SEPSECS: variants seen among roughly 807,000 people sequenced by gnomAD.
SEPSECS encodes the protein O-phosphoseryl-tRNA(Sec) selenium transferase.
SEPSECS carries 42 observed loss-of-function variants against 52.1 expected under a neutral mutation model. The ratio of observed to expected loss-of-function variants is 0.81; its 90% CI spans 0.63 to 1.04. The LOEUF is 1.04. Among genes scored for constraint, SEPSECS ranks in the 50% least tolerant of loss-of-function variants. SEPSECS has a pLI of 0.00. For missense variants in SEPSECS, 590 were observed against 610.6 expected, an observed-to-expected ratio of 0.97 and a Z score of 0.36; for synonymous variants, 216 against 211.4, an observed-to-expected ratio of 1.02 and a Z score of -0.19.
rs1560318105 is a variant in SEPSECS at position 25,122,294 on chromosome 4, C to CACAT, written c.*1633_*1636dup. The CACAT allele has an allele frequency of 6.6e-6, 1 of 152,128 alleles. No individual in the cohort carries two copies. The highest frequency in any genetic ancestry group is 6.6e-5 in the Admixed American group (1 of 15,266). 9.4% of individuals were successfully genotyped at this position (152,128 alleles called of 1,614,324 possible). ...CCAGTGGCCATAGGCGTCTACCTTACACATGTCTGACCTCATGTTTACAAA... is the reference window on the plus strand; with the variant it reads ...CCAGTGGCCATAGGCGTCTACCTTACACATACATGTCTGACCTCATGTTTACAAA... On this transcript the variant is annotated 3_prime_UTR_variant, in exon 11 of 11. Coordinates refer to ENST00000382103, the MANE Select transcript of SEPSECS (RefSeq NM_016955.4).
chr4:25,128,615 T>C (rs1421992910), intron 8 of SEPSECS, among the ~76,000 whole-genome samples: 2 of 152,118 alleles, frequency 1.3e-5, no homozygotes, highest in East Asian at 1.9e-4. Flanking sequence ...AAATATGAAG[T>C]TGGCAACTAT....
At chr4:25,157,834 C>T (rs1401682204) in intron 2 of SEPSECS, among the ~76,000 whole-genome samples, 1 of 152,126 alleles carries the variant, frequency 6.6e-6, no homozygotes, top group East Asian at 1.9e-4. Context: ...CGTGAGCCAC[C>T]GTGCCCGGCC....
chr4:25,134,311 T>C (rs1728739580), intron 8 of SEPSECS, among the ~76,000 whole-genome samples: 1 of 122,518 alleles, frequency 8.2e-6, no homozygotes, highest in South Asian at 3.1e-4. Flanking sequence ...AGACCCCATA[T>C]CTTTAAAAAT....
intron 6 of SEPSECS, among the ~76,000 whole-genome samples, chr4:25,149,793 T>C (rs1712195416): frequency 6.6e-6 from 1 of 152,202 alleles, no homozygotes; most frequent in South Asian, 2.1e-4. Context: ...TGTACACCCT[T>C]CCTCTATGAC....
At chr4:25,127,751 G>C (rs762705410) in intron 8 of SEPSECS, among the ~76,000 whole-genome samples, 1 of 152,130 alleles carries the variant, frequency 6.6e-6, no homozygotes, top group Admixed American at 6.5e-5. Flanking sequence ...AGACTAGAGA[G>C]GTCTTTCAAA....
At chr4:25,144,947 T>C (rs1370375580) in intron 7 of SEPSECS, 57 bp downstream of exon 7, 17 of 1,605,044 alleles carry the variant, frequency 1.1e-5, no homozygotes, top group South Asian at 4.4e-5. Context: ...ATAGCCTATG[T>C]ACAAATGGAT....
chr4:25,159,308 G>C (rs1221526529), intron 1 of SEPSECS, among the ~76,000 whole-genome samples: 1 of 152,114 alleles, frequency 6.6e-6, no homozygotes, highest in East Asian at 1.9e-4. Flanking sequence ...TACAGATTTC[G>C]AGAAGTGATG....
intron 1 of SEPSECS, chr4:25,159,858 CTCGTGGT>C (rs1189525029): frequency 2.8e-6 from 3 of 1,087,016 alleles, no homozygotes; most frequent in Non-Finnish European, 3.4e-6. Flanking sequence ...CCGCGGAAAG[CTCGTGGT>C]TCGAGTTAGC....
At chr4:25,136,810 A>G (rs985006753) in intron 8 of SEPSECS, among the ~76,000 whole-genome samples, 9 of 152,338 alleles carry the variant, frequency 5.9e-5, no homozygotes, top group Middle Eastern at 3.4e-3. Context: ...CCCAACTTCA[A>G]ACTATACTAC....
chr4:25,146,995 T>G (rs181190540), intron 6 of SEPSECS, among the ~76,000 whole-genome samples: 47 of 152,292 alleles, frequency 3.1e-4, no homozygotes, highest in African/African-American at 1.1e-3. Context: ...TCCCAAACCC[T>G]TAACACACCT....
chr4:25,150,900 G>A (rs551310205), intron 6 of SEPSECS, among the ~76,000 whole-genome samples: 8 of 152,166 alleles, frequency 5.3e-5, no homozygotes, highest in South Asian at 2.1e-4. Context: ...CCAGCTACCC[G>A]GGAGGCTGAG....
At chr4:25,133,652 CA>C (rs1384212390) in intron 8 of SEPSECS, among the ~76,000 whole-genome samples, 2 of 152,098 alleles carry the variant, frequency 1.3e-5, no homozygotes, top group African/African-American at 4.8e-5. Context: ...TCAACAATTC[CA>C]AAATCTTAAG....
intron 6 of SEPSECS, among the ~76,000 whole-genome samples, chr4:25,146,214 T>C (rs1043891343): frequency 6.6e-6 from 1 of 152,190 alleles, no homozygotes; most frequent in Non-Finnish European, 1.5e-5. Context: ...ATAACCATAT[T>C]TGACCTTCAT....
chr4:25,153,436 T>C (rs559357243), intron 5 of SEPSECS, among the ~76,000 whole-genome samples: 29 of 151,104 alleles, frequency 1.9e-4, no homozygotes, highest in Non-Finnish European at 3.0e-4. Context: ...TTAGGGTGTG[T>C]TAAAAAAAAA....
rs1000834718 is a variant in SEPSECS, at chr4:25,122,430, T to C, written c.*1501A>G. On this transcript the variant is annotated 3_prime_UTR_variant, in exon 11 of 11. Transcript: ENST00000382103. The stretch of plus-strand genomic sequence containing the variant: ...ATGCAGCCCAGAAGGCAACACAGCA[T>C]TCTCTACCATAGTGTTTTTAAAAGT... The C allele has an allele frequency of 6.6e-6, 1 of 152,184 alleles. No homozygotes were observed. 9.4% of individuals were successfully genotyped at this position (152,184 alleles called of 1,614,324 possible).
intron 3 of SEPSECS, among the ~76,000 whole-genome samples, chr4:25,156,501 G>A (rs559279305): frequency 4.0e-5 from 6 of 151,488 alleles, no homozygotes; most frequent in African/African-American, 9.7e-5. Context: ...TCAGGAGATC[G>A]AGACCATCCT....
At chr4:25,148,678 A>G (rs1712134291) in intron 6 of SEPSECS, among the ~76,000 whole-genome samples, 3 of 152,226 alleles carry the variant, frequency 2.0e-5, no homozygotes, top group Admixed American at 6.5e-5. Context: ...GTTAACAACA[A>G]TGTATTGTAT....
At chr4:25,153,061 C>CT (rs999653655) in intron 5 of SEPSECS, among the ~76,000 whole-genome samples, 8 of 151,562 alleles carry the variant, frequency 5.3e-5, no homozygotes, top group Admixed American at 5.3e-4. Context: ...TACAAGTTTT[C>CT]TTTTTTTTGT....
chr4:25,131,637 C>T (rs1185482242), intron 8 of SEPSECS, among the ~76,000 whole-genome samples: 1 of 152,194 alleles, frequency 6.6e-6, no homozygotes, highest in African/African-American at 2.4e-5. Context: ...GATTCAACTA[C>T]TCCACTTACA....
Sources: allele counts gnomAD v4.1 joint callset (sites outside exome capture counted in the v4.1 genomes callset), GRCh38; gene constraint gnomAD v4.1.1; transcripts MANE v1.5; gene names NCBI Gene and HGNC (gene_info 2026-07-23, HGNC 2026-07-21).